The following BCAS3 variants were observed in gnomAD, a reference collection of about 807,000 sequenced individuals.
The protein encoded by BCAS3 is BCAS4/BCAS3 fusion.
Under a neutral mutation model 116.1 loss-of-function variants are expected in BCAS3, and 53 were observed. The observed-to-expected ratio is 0.46, with a 90% CI of 0.37 to 0.57. The LOEUF (loss-of-function observed/expected upper bound fraction) is 0.57, where lower values mean the gene tolerates loss of function less well. Ranked by LOEUF, BCAS3 falls within the 20% of genes least tolerant of loss-of-function variation. The probability of loss-of-function intolerance (pLI) is 0.00; values close to 1 mark genes in which losing one functional copy is unlikely to be tolerated. For synonymous variants in BCAS3, 391 were observed against 408.2 expected, an observed-to-expected ratio of 0.96 and a Z score of 0.51; for missense variants, 917 against 1,165.4, an observed-to-expected ratio of 0.79 and a Z score of 3.10.
At position 61,339,440 on chromosome 17, in the gene BCAS3, G is replaced by T. The variant is rs747729462; in HGVS notation, c.2426-28887G>T. On this transcript the variant is annotated intron_variant, in intron 22 of 23. Transcript: ENST00000407086. This position sits in a 1 kb window ranked among gnomAD's most constrained non-coding sequence, Gnocchi z 4.4. ...CTATTCCTTTCTTGACCAGACCAAGGCTTTGCAGGTAAACTAGGGAATCTC... is the reference window on the plus strand; with the variant it reads ...CTATTCCTTTCTTGACCAGACCAAGTCTTTGCAGGTAAACTAGGGAATCTC... Among the ~76,000 whole-genome samples, 12 of 152,162 alleles carry T rather than the reference G, an allele frequency of 7.9e-5. No individual in the cohort carries two copies. Among genetic ancestry groups the T allele is most frequent in the Non-Finnish European group, 1.8e-4 (12 of 68,040 alleles).
intron 16 of BCAS3, among the ~76,000 whole-genome samples, chr17:61,025,394 C>T (rs2066168116): frequency 6.6e-6 from 1 of 151,990 alleles, no homozygotes; most frequent in Admixed American, 6.6e-5. Flanking sequence ...TCTCAGATCC[C>T]AGCCAGACCC....
intron 7 of BCAS3, among the ~76,000 whole-genome samples, chr17:60,856,431 G>C (rs890399834): frequency 1.3e-5 from 2 of 152,162 alleles, no homozygotes; most frequent in South Asian, 4.1e-4. Flanking sequence ...GCTCATGCCT[G>C]TATTCCCAGC....
Position 60,910,587 on chromosome 17 carries a change from C to T in BCAS3, c.878C>T (p.Thr293Ile). 1 of 1,612,386 alleles carries T rather than the reference C, an allele frequency of 6.2e-7. No homozygotes were observed. Among genetic ancestry groups the T allele is most frequent in the Non-Finnish European group, 8.5e-7 (1 of 1,179,278 alleles). The change falls in exon 12 of 24, where the codon ACA becomes ATA. Residue 293 changes from threonine to isoleucine, a missense_variant. Thr to Ile is a moderately conservative substitution (Grantham distance 89). Transcript: ENST00000407086. ...VGKVVTQLTGTLPSGVTEDDV... is the reference protein window; with the variant it reads ...VGKVVTQLTGILPSGVTEDDV... ...AAAGTGGTGACTCAGCTGACAGGCA[C>T]ACTGCCTTCAGGTGTGACAGAAGAT...
chr17:60,973,739 C>T (rs1600126573), intron 14 of BCAS3, among the ~76,000 whole-genome samples: 2 of 151,762 alleles, frequency 1.3e-5, no homozygotes, highest in Non-Finnish European at 2.9e-5. Flanking sequence ...ATTACAGGCG[C>T]ATGCACCACA....
chr17:60,794,580 A>G (rs1200909862), intron 6 of BCAS3, among the ~76,000 whole-genome samples: 1 of 152,174 alleles, frequency 6.6e-6, no homozygotes, highest in East Asian at 1.9e-4. Context: ...TGATTTTTGC[A>G]TAAGGTGAGA....
intron 22 of BCAS3, among the ~76,000 whole-genome samples, chr17:61,195,657 G>A (rs899667143): frequency 2.0e-5 from 3 of 151,898 alleles, no homozygotes; most frequent in Admixed American, 1.3e-4. Context: ...GATTACAAAG[G>A]TGTGAGCCAC....
chr17:61,229,323 A>G lies in BCAS3; in HGVS notation c.2426-139004A>G, dbSNP rs2082535797. 6.6e-6 allele frequency among the ~76,000 whole-genome samples: 1 copy of G among 152,250 alleles called. No homozygotes were observed. The highest frequency in any genetic ancestry group is 1.5e-5 in the Non-Finnish European group (1 of 68,046). On this transcript the variant is annotated intron_variant, in intron 22 of 23. Coordinates refer to ENST00000407086, the MANE Select transcript of BCAS3 (RefSeq NM_017679.5). The surrounding 1 kb of genome is among the most constrained non-coding windows in gnomAD (Gnocchi z 4.4). ...GTTCGTGAGGTTAAGGAAAGAAGCT[A>G]TTTGCATAATATAAAAGGGCAAGAT...
intron 22 of BCAS3, among the ~76,000 whole-genome samples, chr17:61,312,301 G>A (rs1034910): frequency 0.27 from 40,786 of 152,070 alleles, 7,518 homozygotes; most frequent in African/African-American, 0.52. Flanking sequence ...GGGGGAGGGT[G>A]TCAGCTCAGA....
intron 12 of BCAS3, among the ~76,000 whole-genome samples, chr17:60,919,389 G>A (rs1485808702): frequency 2.0e-5 from 3 of 152,042 alleles, no homozygotes; most frequent in Non-Finnish European, 4.4e-5. Context: ...GCAGTGGTGC[G>A]ATCTCAGTTC....
intron 2 of BCAS3, among the ~76,000 whole-genome samples, chr17:60,681,714 GC>G (rs1192381757): frequency 1.4e-5 from 2 of 147,832 alleles, no homozygotes; most frequent in Non-Finnish European, 3.0e-5. Flanking sequence ...ACCACGCCTG[GC>G]TAATTTTTGT....
At position 61,323,372 on chromosome 17, in the gene BCAS3, G is replaced by C. The variant is rs2055472397; in HGVS notation, c.2426-44955G>C. ...ATGGAAATAAGTAGTGCAGTGAGCAGTTAGCATAAGGGAGTTCCAGCCCCG... is the reference window on the plus strand; with the variant it reads ...ATGGAAATAAGTAGTGCAGTGAGCACTTAGCATAAGGGAGTTCCAGCCCCG... On this transcript the variant is annotated intron_variant, in intron 22 of 23. Coordinates refer to ENST00000407086, the MANE Select transcript of BCAS3 (RefSeq NM_017679.5). The surrounding 1 kb of genome is among the most constrained non-coding windows in gnomAD (Gnocchi z 4.6). Among the ~76,000 whole-genome samples the C allele has an allele frequency of 2.6e-5, 4 of 152,220 alleles. No homozygotes were observed. In the South Asian group the frequency reaches 8.3e-4, roughly 31 times the overall value.
Position 61,323,331 on chromosome 17 carries a change from A to T in BCAS3, c.2426-44996A>T, listed in dbSNP as rs910801793. ...ACTGGTTGAATATGAATTTATGTGG[A>T]GCACTCAGCTACAACATGGAAATAA... On this transcript the variant is annotated intron_variant, in intron 22 of 23. Coordinates refer to ENST00000407086, the MANE Select transcript of BCAS3 (RefSeq NM_017679.5). The surrounding 1 kb of genome is among the most constrained non-coding windows in gnomAD (Gnocchi z 4.6). 2.0e-5 allele frequency among the ~76,000 whole-genome samples: 3 copies of T among 152,152 alleles called. No homozygotes were observed. Among genetic ancestry groups the T allele is most frequent in the Non-Finnish European group, 2.9e-5 (2 of 68,030 alleles).
chr17:61,102,531 T>A (rs371137519), intron 22 of BCAS3, among the ~76,000 whole-genome samples: 2 of 152,188 alleles, frequency 1.3e-5, no homozygotes, highest in South Asian at 2.1e-4. Context: ...AATTAAGTAC[T>A]GTATACTACC....
chr17:60,746,767 C>T (rs2042045417), intron 5 of BCAS3, among the ~76,000 whole-genome samples: 1 of 152,122 alleles, frequency 6.6e-6, no homozygotes, highest in African/African-American at 2.4e-5. Context: ...AAGTTATTCA[C>T]ATTTCACCTA....
At chr17:60,878,946 A>G (rs2055867550) in intron 9 of BCAS3, among the ~76,000 whole-genome samples, 1 of 152,250 alleles carries the variant, frequency 6.6e-6, no homozygotes, top group African/African-American at 2.4e-5. Flanking sequence ...ATAAGTAGAA[A>G]GAATCTTATT....
At chr17:60,991,531 T>G (rs1481769842) in intron 15 of BCAS3, among the ~76,000 whole-genome samples, 1 of 152,222 alleles carries the variant, frequency 6.6e-6, no homozygotes, top group Non-Finnish European at 1.5e-5. Context: ...TCTGGAGCAT[T>G]GCAGATTTCC....
chr17:60,815,560 A>G (rs1218944937), intron 7 of BCAS3, among the ~76,000 whole-genome samples: 1 of 152,238 alleles, frequency 6.6e-6, no homozygotes, highest in Non-Finnish European at 1.5e-5. Flanking sequence ...GTAACAAAAA[A>G]CAGCAGGCAA....
chr17:60,727,302 T>C (rs1291137676), intron 5 of BCAS3: 17 of 1,172,144 alleles, frequency 1.5e-5, no homozygotes, highest in Non-Finnish European at 2.2e-5. Context: ...TTCTTTGTGG[T>C]CTTAGCCTTC....
At chr17:61,384,724 G>A (rs35775319) in intron 23 of BCAS3, 4,740 of 152,386 alleles carry the variant, frequency 0.031, 98 homozygotes, top group Non-Finnish European at 0.048. Flanking sequence ...TGTGGTGACC[G>A]CATGTACTCT....
Sources: gnomAD v4.1 joint callset for allele counts (sites outside exome capture counted in the v4.1 genomes callset) on GRCh38, gnomAD v4.1.1 for gene constraint, Gnocchi (gnomAD v3.1) non-coding constraint, MANE v1.5 for transcripts, NCBI Gene and HGNC (gene_info 2026-07-23, HGNC 2026-07-21) for gene names.